Variants in AMOTL1 observed in about 807,000 individuals in gnomAD.
AMOTL1 encodes angiomotin like 1.
AMOTL1 carries 45 observed loss-of-function variants against 102.9 expected under a neutral mutation model. That is an observed-to-expected ratio of 0.44 (90% CI 0.34 to 0.56). AMOTL1 has a LOEUF of 0.56. AMOTL1 is among the 20% of genes least tolerant of loss of function. AMOTL1 has a pLI of 0.01. For missense variants in AMOTL1, 1,114 were observed against 1,225.6 expected, an observed-to-expected ratio of 0.91 and a Z score of 1.36; for synonymous variants, 481 against 484.7, an observed-to-expected ratio of 0.99 and a Z score of 0.10.
chr11:94,799,241 C>T lies in AMOTL1; in HGVS notation c.200-149C>T. 1 of 693,052 alleles carries T rather than the reference C, an allele frequency of 1.4e-6. No homozygotes were observed. Among genetic ancestry groups the T allele is most frequent in the Non-Finnish European group, 2.4e-6 (1 of 423,748 alleles). 42.9% of individuals were successfully genotyped at this position (693,052 alleles called of 1,614,324 possible). ...AATTGGAGAAGAAAATTCCATGAGA[C>T]ATTGCCAGGTAAATGGAGGTGATGA... On this transcript the variant is annotated intron_variant, in intron 2 of 12. Coordinates refer to ENST00000433060, the MANE Select transcript of AMOTL1 (RefSeq NM_130847.3). The surrounding 1 kb of genome is among the most constrained non-coding windows in gnomAD (Gnocchi z 4.5).
At chr11:94,870,524 C>G (rs191666431) in intron 12 of AMOTL1, among the ~76,000 whole-genome samples, 165 bp from the exon 13 acceptor site, 1 of 152,286 alleles carries the variant, frequency 6.6e-6, no homozygotes, top group East Asian at 1.9e-4. Flanking sequence ...GAATCCTGGC[C>G]CAGTCATTCT....
At chr11:94,733,044 T>G (rs1052505173) in intron 2 of AMOTL1, among the ~76,000 whole-genome samples, 3 of 152,276 alleles carry the variant, frequency 2.0e-5, no homozygotes, top group Non-Finnish European at 4.4e-5. Flanking sequence ...CAAACCCTTA[T>G]TGAAATCTTG....
At chr11:94,749,058 A>G (rs1950620833) in intron 3 of AMOTL1, among the ~76,000 whole-genome samples, 1 of 152,320 alleles carries the variant, frequency 6.6e-6, no homozygotes, top group Admixed American at 6.5e-5. Flanking sequence ...GGAATTTATT[A>G]GGGGAATCTG....
rs968393328 is a variant in AMOTL1 at position 94,876,725 on chromosome 11, C to A, written c.*5930C>A. 1.3e-5 allele frequency: 2 copies of A among 152,624 alleles called. No individual in the cohort carries two copies. The highest frequency in any genetic ancestry group is 4.8e-5 in the African/African-American group (2 of 41,454). The allele number at this position is 152,624 out of a possible 1,614,324, so 9.5% of individuals were successfully genotyped here. A position where few individuals can be genotyped will look rare whatever the true frequency, so the allele number is the denominator to read the frequency against. ...CTTAAAGAACTTATAAACTGATGCTCAATAAATGTTTCATTTCATTGTACC... is the reference window on the plus strand; with the variant it reads ...CTTAAAGAACTTATAAACTGATGCTAAATAAATGTTTCATTTCATTGTACC... On this transcript the variant is annotated 3_prime_UTR_variant, in exon 13 of 13. Transcript: ENST00000433060.
At chr11:94,810,392 G>A (rs935803861) in intron 3 of AMOTL1, among the ~76,000 whole-genome samples, 24 of 150,586 alleles carry the variant, frequency 1.6e-4, no homozygotes, top group African/African-American at 5.9e-4. Flanking sequence ...CGCTTTCATA[G>A]TGCACTTTTT....
chr11:94,757,373 A>G (rs1004942369), intron 3 of AMOTL1, among the ~76,000 whole-genome samples: 5 of 152,168 alleles, frequency 3.3e-5, no homozygotes, highest in African/African-American at 1.2e-4. Context: ...ACGGCTTTAC[A>G]GAAGTTAAGT....
In AMOTL1 at chr11:94,799,365, C is replaced by A; in HGVS notation, c.200-25C>A. On this transcript the variant is annotated intron_variant, in intron 2 of 12. Coordinates refer to ENST00000433060, the MANE Select transcript of AMOTL1 (RefSeq NM_130847.3). The surrounding 1 kb of genome is among the most constrained non-coding windows in gnomAD (Gnocchi z 4.5). ...TATCTCCTGTGGAGCTGCCTGATAT[C>A]TTTTTTCCTATGTTTATCTTTTAGT... 1 of 1,526,586 alleles carries A rather than the reference C, an allele frequency of 6.6e-7. No homozygotes were observed. The allele number at this position is 1,526,586 out of a possible 1,614,324, so 94.6% of individuals were successfully genotyped here. A position where few individuals can be genotyped will look rare whatever the true frequency, so the allele number is the denominator to read the frequency against.
intron 3 of AMOTL1, among the ~76,000 whole-genome samples, chr11:94,814,582 C>A (rs10501816): frequency 0.15 from 22,090 of 152,140 alleles, 2,189 homozygotes; most frequent in Non-Finnish European, 0.21. Flanking sequence ...TATGAAACAG[C>A]CTATCCTCGG....
chr11:94,765,148 A>C (rs1486939352), upstream of AMOTL1, among the ~76,000 whole-genome samples: 1 of 152,210 alleles, frequency 6.6e-6, no homozygotes, highest in African/African-American at 2.4e-5. Context: ...AAATTGGCCC[A>C]TCATCTTCTT....
At chr11:94,838,673 C>CA (rs1339339144) in intron 6 of AMOTL1, among the ~76,000 whole-genome samples, 1 of 152,126 alleles carries the variant, frequency 6.6e-6, no homozygotes, top group East Asian at 1.9e-4. Flanking sequence ...AAGGAAGATG[C>CA]AAAATAAAGA....
At chr11:94,737,789 C>T (rs997823729) in intron 2 of AMOTL1, among the ~76,000 whole-genome samples, 1 of 152,240 alleles carries the variant, frequency 6.6e-6, no homozygotes, top group Non-Finnish European at 1.5e-5. Context: ...TTGGAATTGG[C>T]AATGGCAAAG....
chr11:94,843,976 A>G (rs1331706114), intron 6 of AMOTL1, among the ~76,000 whole-genome samples: 2 of 152,160 alleles, frequency 1.3e-5, no homozygotes, highest in Non-Finnish European at 2.9e-5. Flanking sequence ...ACTGTTGTAC[A>G]TGGCTCCCAT....
At chr11:94,723,580 A>G (rs894284546) in intron 1 of AMOTL1, among the ~76,000 whole-genome samples, 3 of 152,118 alleles carry the variant, frequency 2.0e-5, no homozygotes, top group Admixed American at 6.6e-5. Flanking sequence ...AGTTGGATAA[A>G]CCAATCTGAA....
At chr11:94,762,355 CT>C (rs1445323790) in intron 3 of AMOTL1, among the ~76,000 whole-genome samples, 1 of 152,110 alleles carries the variant, frequency 6.6e-6, no homozygotes. Context: ...ATTTTGCCCC[CT>C]AGGGGACATT....
chr11:94,716,805 T>A (rs1950104987), intron 1 of AMOTL1, among the ~76,000 whole-genome samples: 1 of 152,054 alleles, frequency 6.6e-6, no homozygotes, highest in Non-Finnish European at 1.5e-5. Context: ...TTGGATGGGG[T>A]TTGCTGATGT....
intron 3 of AMOTL1, among the ~76,000 whole-genome samples, chr11:94,810,860 A>G (rs946389923): frequency 6.6e-6 from 1 of 151,596 alleles, no homozygotes; most frequent in African/African-American, 2.4e-5. Context: ...ACACACACAC[A>G]CACACACACG....
chr11:94,764,309 G>A (rs116928362), upstream of AMOTL1, among the ~76,000 whole-genome samples: 5 of 152,312 alleles, frequency 3.3e-5, no homozygotes, highest in Non-Finnish European at 7.3e-5. Context: ...GAGTCATTTC[G>A]AGTGGATTCT....
chr11:94,842,870 A>G (rs1186899399), intron 6 of AMOTL1, among the ~76,000 whole-genome samples: 1 of 152,140 alleles, frequency 6.6e-6, no homozygotes, highest in Non-Finnish European at 1.5e-5. Context: ...GTTCTGCAGA[A>G]CAGTTTGGTT....
At chr11:94,768,608 C>T (rs764507222) in intron 1 of AMOTL1, 48 bp downstream of exon 1, 3 of 1,563,208 alleles carry the variant, frequency 1.9e-6, no homozygotes, top group Middle Eastern at 1.7e-4. Context: ...CCGAGTCTCC[C>T]ACGCGAAGAA....
Sources: allele counts gnomAD v4.1 joint callset (sites outside exome capture counted in the v4.1 genomes callset), GRCh38; gene constraint gnomAD v4.1.1; non-coding constraint Gnocchi (gnomAD v3.1); transcripts MANE v1.5; gene names NCBI Gene and HGNC (gene_info 2026-07-23, HGNC 2026-07-21).